The following TDP1 variants were observed in gnomAD, a reference collection of about 807,000 sequenced individuals.
The protein encoded by TDP1 is tyr-DNA phosphodiesterase 1.
A neutral mutation model predicts 81.5 loss-of-function variants in TDP1; 64 were observed. The ratio of observed to expected loss-of-function variants is 0.79; its 90% CI spans 0.64 to 0.97. TDP1 has a LOEUF of 0.97. Ranked by LOEUF, TDP1 falls within the 50% of genes least tolerant of loss-of-function variation. The pLI, the probability that TDP1 is intolerant of heterozygous loss-of-function variation, is 0.00. For synonymous variants in TDP1, 256 were observed against 264.3 expected, an observed-to-expected ratio of 0.97 and a Z score of 0.30; for missense variants, 723 against 743.8, an observed-to-expected ratio of 0.97 and a Z score of 0.33.
chr14:90,042,858 C>A (rs1888496693), intron 16 of TDP1: 2 of 985,034 alleles, frequency 2.0e-6, no homozygotes, highest in South Asian at 4.7e-5. Flanking sequence ...ACAGCCAAAC[C>A]TTTTCATTCC....
At chr14:90,022,828 G>A (rs1781802081) in intron 15 of TDP1, 1 of 937,048 alleles carries the variant, frequency 1.1e-6, no homozygotes. Flanking sequence ...TGTGCCATGA[G>A]GTAGTTTGTC....
intron 14 of TDP1, among the ~76,000 whole-genome samples, chr14:90,015,455 C>A (rs1278133875): frequency 6.6e-6 from 1 of 152,208 alleles, no homozygotes; most frequent in Non-Finnish European, 1.5e-5. Flanking sequence ...CATTTGCACT[C>A]CTTGTAGGCA....
intron 6 of TDP1, chr14:89,975,280 G>A (rs890914074): frequency 1.0e-4 from 34 of 335,582 alleles, no homozygotes; most frequent in African/African-American, 2.5e-4. Flanking sequence ...GTTCCACTGC[G>A]TTAGCCAGGA....
intron 16 of TDP1, among the ~76,000 whole-genome samples, chr14:90,038,119 TTTGA>T (rs1356463700): frequency 1.3e-5 from 2 of 152,358 alleles, no homozygotes; most frequent in Admixed American, 6.5e-5. Flanking sequence ...TGATGTTAAC[TTTGA>T]TTGATTGGTT....
At chr14:89,996,285 C>T (rs1488897742) in intron 14 of TDP1, among the ~76,000 whole-genome samples, 2 of 152,110 alleles carry the variant, frequency 1.3e-5, no homozygotes, top group Admixed American at 6.5e-5. Flanking sequence ...GAAGTCATGC[C>T]CCAGCCACAC....
chr14:90,006,762 C>G (rs921687109), intron 14 of TDP1, among the ~76,000 whole-genome samples: 1 of 152,212 alleles, frequency 6.6e-6, no homozygotes, highest in Non-Finnish European at 1.5e-5. Context: ...TGGTCTCGAA[C>G]TCCTGACCTC....
At chr14:90,012,304 T>C (rs1884801777) in intron 14 of TDP1, among the ~76,000 whole-genome samples, 1 of 151,902 alleles carries the variant, frequency 6.6e-6, no homozygotes, top group Non-Finnish European at 1.5e-5. Context: ...ATTAAGTGTT[T>C]ATGGCTTTTC....
intron 7 of TDP1, among the ~76,000 whole-genome samples, chr14:89,976,023 A>G (rs1487206828): frequency 1.3e-5 from 2 of 152,250 alleles, no homozygotes; most frequent in Admixed American, 6.5e-5. Flanking sequence ...CAGGAAACTG[A>G]GGCCCAGGTT....
chr14:90,026,404 A>T (rs925908088), intron 15 of TDP1, among the ~76,000 whole-genome samples: 3 of 151,854 alleles, frequency 2.0e-5, no homozygotes, highest in African/African-American at 7.3e-5. Flanking sequence ...CTTGCATTCT[A>T]CTCCTTCCTC....
At chr14:90,000,101 C>T (rs377592193) in intron 14 of TDP1, among the ~76,000 whole-genome samples, 3 of 152,188 alleles carry the variant, frequency 2.0e-5, no homozygotes, top group African/African-American at 7.2e-5. Flanking sequence ...GTAAGCCTGA[C>T]GTTCCTGCTT....
At chr14:90,004,200 A>G (rs1041544198) in intron 14 of TDP1, among the ~76,000 whole-genome samples, 8 of 152,044 alleles carry the variant, frequency 5.3e-5, no homozygotes, top group Non-Finnish European at 1.0e-4. Context: ...CCCTTTCTGT[A>G]CTCATATGAG....
intron 10 of TDP1, among the ~76,000 whole-genome samples, chr14:89,986,718 C>G (rs918230114): frequency 6.6e-6 from 1 of 152,140 alleles, no homozygotes; most frequent in Non-Finnish European, 1.5e-5. Context: ...GCAGTAGAAA[C>G]TGGGTGTTGT....
intron 6 of TDP1, among the ~76,000 whole-genome samples, chr14:89,974,111 T>C (rs1045588465): frequency 6.6e-6 from 1 of 152,218 alleles, no homozygotes; most frequent in African/African-American, 2.4e-5. Context: ...GTGTTTAGTC[T>C]ACAACACTTA....
intron 14 of TDP1, among the ~76,000 whole-genome samples, chr14:89,998,493 G>A (rs1268254569): frequency 2.1e-5 from 3 of 145,172 alleles, no homozygotes; most frequent in Admixed American, 7.0e-5. Flanking sequence ...TCTTATAGCC[G>A]TTCTACAGTG....
In TDP1 at chr14:89,967,407, A is replaced by G; in HGVS notation, c.644A>G (p.Tyr215Cys). 8 of 1,614,110 alleles carry G rather than the reference A, an allele frequency of 5.0e-6. No individual in the cohort carries two copies. Among genetic ancestry groups the G allele is most frequent in the Non-Finnish European group, 5.1e-6 (6 of 1,179,950 alleles). The change falls in exon 5 of 17, where the codon TAT (tyrosine) becomes TGT (cysteine). Residue 215 changes from tyrosine to cysteine, a missense_variant. Tyr to Cys is a radical substitution (Grantham distance 194). Transcript: ENST00000335725. ...GACGTGGACTGGCTCGTAAAACAGT[A>G]TCCACCAGAGTTCAGGTGAGTTCCT... ...CFDVDWLVKQ[Y>C]PPEFRKKPIL...
chr14:89,996,971 A>C (rs1896698128), intron 14 of TDP1, among the ~76,000 whole-genome samples: 1 of 152,256 alleles, frequency 6.6e-6, no homozygotes, highest in Non-Finnish European at 1.5e-5. Context: ...TGGCAAGAAT[A>C]GAGTAATTAA....
At chr14:89,989,310 C>G (rs921211937) in intron 11 of TDP1, 1 of 985,052 alleles carries the variant, frequency 1.0e-6, no homozygotes, top group Non-Finnish European at 1.2e-6. Context: ...CTTGCCGATT[C>G]GTTCAGGAGC....
rs1044890567 is a variant in TDP1 at position 89,955,941 on chromosome 14, C to G, written c.-260C>G. The G allele has an allele frequency of 5.9e-5, 9 of 152,326 alleles. No homozygotes were observed. The highest frequency in any genetic ancestry group is 2.2e-4 in the African/African-American group (9 of 41,462). 9.4% of individuals were successfully genotyped at this position (152,326 alleles called of 1,614,324 possible). A position where few individuals can be genotyped will look rare whatever the true frequency, so the allele number is the denominator to read the frequency against. On this transcript the variant is annotated 5_prime_UTR_variant, in exon 1 of 17. Coordinates refer to ENST00000335725, the MANE Select transcript of TDP1 (RefSeq NM_018319.4). ...CGGCGGCCGCCGAAGGGGCGGGATC[C>G]GAGGCAAGCGTTGGTTCTGTGCGCC...
At chr14:89,998,420 A>ATATATATATG (rs1566891293) in intron 14 of TDP1, among the ~76,000 whole-genome samples, 10 of 79,278 alleles carry the variant, frequency 1.3e-4, no homozygotes, top group African/African-American at 3.2e-4. Context: ...ATATATATAT[A>ATATATATATG]TATGTATGTA....
Sources: allele counts gnomAD v4.1 joint callset (sites outside exome capture counted in the v4.1 genomes callset), GRCh38; gene constraint gnomAD v4.1.1; transcripts MANE v1.5; gene names NCBI Gene and HGNC (gene_info 2026-07-23, HGNC 2026-07-21).